Variants in GRID2 observed in about 807,000 individuals in gnomAD.
GRID2 encodes glutamate receptor ionotropic, delta-2.
Under a neutral mutation model 114.8 loss-of-function variants are expected in GRID2, and 33 were observed. The ratio of observed to expected loss-of-function variants is 0.29; its 90% confidence interval spans 0.22 to 0.38. GRID2 has a LOEUF of 0.38. GRID2 is among the 10% of genes least tolerant of loss of function. The probability of loss-of-function intolerance (pLI) is 1.00; values close to 1 mark genes in which losing one functional copy is unlikely to be tolerated. For synonymous variants in GRID2, 505 were observed against 449.9 expected (o/e 1.12, Z -1.55); for missense variants, 1,184 against 1,257.7 (o/e 0.94, Z 0.89).
chr4:93,059,182 A>G (rs1436739157), intron 2 of GRID2, among the ~76,000 whole-genome samples: 1 of 152,164 alleles, frequency 6.6e-6, no homozygotes, highest in Non-Finnish European at 1.5e-5. Flanking sequence ...AATGCATGGC[A>G]GAAATACAGA....
intron 10 of GRID2, among the ~76,000 whole-genome samples, chr4:93,429,269 C>T (rs755871810): frequency 6.6e-6 from 1 of 152,108 alleles, no homozygotes; most frequent in Non-Finnish European, 1.5e-5. Context: ...CTATAAGGCT[C>T]ACAGTATATA....
chr4:92,394,092 TA>T (rs1730379891), intron 1 of GRID2, among the ~76,000 whole-genome samples: 1 of 152,158 alleles, frequency 6.6e-6, no homozygotes, highest in Non-Finnish European at 1.5e-5. Context: ...GATCTCATTT[TA>T]TCATATCTGC....
intron 8 of GRID2, among the ~76,000 whole-genome samples, chr4:93,345,261 A>G (rs2149252440): frequency 6.6e-6 from 1 of 152,184 alleles, no homozygotes. Flanking sequence ...ATACTAATTT[A>G]AATTTCCACT....
intron 2 of GRID2, among the ~76,000 whole-genome samples, chr4:92,962,307 T>A (rs1204290522): frequency 6.6e-6 from 1 of 151,906 alleles, no homozygotes; most frequent in Non-Finnish European, 1.5e-5. Flanking sequence ...AATGTGGTGG[T>A]AAGGTGTGGT....
At chr4:92,748,636 T>C (rs563765276) in intron 2 of GRID2, among the ~76,000 whole-genome samples, 44 of 89,372 alleles carry the variant, frequency 4.9e-4, no homozygotes, top group Non-Finnish European at 7.1e-4. Flanking sequence ...TAAATTGTAT[T>C]ATTATTATTA....
chr4:92,852,680 A>G (rs889818181), intron 2 of GRID2, among the ~76,000 whole-genome samples: 2 of 151,870 alleles, frequency 1.3e-5, no homozygotes, highest in Non-Finnish European at 2.9e-5. Context: ...CTCCTTCTTG[A>G]AAGTCCCCAT....
At chr4:93,531,746 A>AAT (rs1433323027) in intron 13 of GRID2, among the ~76,000 whole-genome samples, 1 of 152,130 alleles carries the variant, frequency 6.6e-6, no homozygotes, top group African/African-American at 2.4e-5. Context: ...ACATTACTAC[A>AAT]ATATATATAC....
intron 4 of GRID2, among the ~76,000 whole-genome samples, chr4:93,148,509 T>C (rs2149394270): frequency 6.6e-6 from 1 of 152,298 alleles, no homozygotes; most frequent in Admixed American, 6.5e-5. Context: ...TTCTTCTTTA[T>C]GTATTTTATG....
At chr4:92,984,549 A>G (rs748412171) in intron 2 of GRID2, among the ~76,000 whole-genome samples, 18 of 152,216 alleles carry the variant, frequency 1.2e-4, no homozygotes, top group Non-Finnish European at 1.9e-4. Flanking sequence ...GCATGGATAC[A>G]TCTATTATCT....
intron 2 of GRID2, among the ~76,000 whole-genome samples, chr4:93,016,275 G>A (rs1479945109): frequency 1.3e-5 from 2 of 152,132 alleles, no homozygotes; most frequent in Non-Finnish European, 2.9e-5. Flanking sequence ...TCCTAAAACA[G>A]GAGGGAAGTT....
chr4:93,514,767 G>T (rs1282353963), intron 12 of GRID2, among the ~76,000 whole-genome samples: 1 of 151,820 alleles, frequency 6.6e-6, no homozygotes, highest in East Asian at 1.9e-4. Context: ...TGACCTCAAA[G>T]CATGTTGTTT....
At chr4:92,892,017 T>G (rs1326495854) in intron 2 of GRID2, among the ~76,000 whole-genome samples, 1 of 152,166 alleles carries the variant, frequency 6.6e-6, no homozygotes, top group African/African-American at 2.4e-5. Flanking sequence ...CAGACACATA[T>G]TTAATTATAT....
Position 92,933,458 on chromosome 4 carries a change from G to C in GRID2, c.245-151537G>C, listed in dbSNP as rs1578516726. 2.6e-5 allele frequency among the ~76,000 whole-genome samples: 4 copies of C among 151,442 alleles called. No homozygotes were observed. The East Asian group carries it at 7.7e-4, about 29-fold the overall frequency. On this transcript the variant is annotated intron_variant, in intron 2 of 15. Coordinates refer to ENST00000282020, the MANE Select transcript of GRID2 (RefSeq NM_001510.4). ...GAGAGAAATGTATTTGAATACTGAA[G>C]GCTACACTGTGTCTATTTCCAAGGG... is the stretch of plus-strand genomic sequence containing the variant.
intron 10 of GRID2, among the ~76,000 whole-genome samples, chr4:93,425,215 G>A (rs1347760946): frequency 1.3e-5 from 2 of 152,114 alleles, no homozygotes; most frequent in Admixed American, 6.5e-5. Context: ...ATTGGACTTC[G>A]TGGTTGATAC....
At chr4:93,224,430 A>T (rs537831127) in intron 6 of GRID2, among the ~76,000 whole-genome samples, 184 bp from the exon 7 acceptor site, 1 of 152,172 alleles carries the variant, frequency 6.6e-6, no homozygotes, top group African/African-American at 2.4e-5. Context: ...GCATACAATC[A>T]GACAAGACTT....
At chr4:92,746,669 A>G (rs1737162960) in intron 2 of GRID2, among the ~76,000 whole-genome samples, 1 of 152,124 alleles carries the variant, frequency 6.6e-6, no homozygotes, top group Non-Finnish European at 1.5e-5. Context: ...TTTCACTGGT[A>G]TGCATGCTGG....
At chr4:93,795,617 T>A (rs1256318720) in intron 1 of GRID2, among the ~76,000 whole-genome samples, 1 of 152,214 alleles carries the variant, frequency 6.6e-6, no homozygotes, top group Non-Finnish European at 1.5e-5. Flanking sequence ...ATTATTGTAT[T>A]TCTTTAATAG....
intron 2 of GRID2, among the ~76,000 whole-genome samples, chr4:92,834,779 G>T (rs1006487278): frequency 2.6e-5 from 4 of 152,110 alleles, no homozygotes; most frequent in Non-Finnish European, 5.9e-5. Context: ...TCCTAATGAG[G>T]CCTGTAATAC....
At chr4:93,070,217 T>C (rs1172910606) in intron 2 of GRID2, among the ~76,000 whole-genome samples, 1 of 152,048 alleles carries the variant, frequency 6.6e-6, no homozygotes, top group African/African-American at 2.4e-5. Context: ...TATACTATAT[T>C]TTTCAGGAAT....
Sources: allele counts gnomAD v4.1 joint callset (sites outside exome capture counted in the v4.1 genomes callset), GRCh38; gene constraint gnomAD v4.1.1; transcripts MANE v1.5; gene names NCBI Gene and HGNC (gene_info 2026-07-23, HGNC 2026-07-21).